The following SYNE2 variants were observed in gnomAD, a reference collection of about 807,000 sequenced individuals.
SYNE2 encodes nesprin-2.
A neutral mutation model predicts 856.3 loss-of-function variants in SYNE2; 431 were observed. That is an observed-to-expected ratio of 0.50 (90% CI 0.47 to 0.55). The LOEUF (loss-of-function observed/expected upper bound fraction) is 0.55, where lower values mean the gene tolerates loss of function less well. Among genes scored for constraint, SYNE2 ranks in the 20% least tolerant of loss-of-function variants. The probability of loss-of-function intolerance (pLI) is 0.00; values close to 1 mark genes in which losing one functional copy is unlikely to be tolerated. For synonymous variants in SYNE2, 2,923 were observed against 2,872.3 expected (o/e 1.02, Z -0.56); for missense variants, 8,129 against 8,023.2 (o/e 1.01, Z -0.50).
intron 84 of SYNE2, among the ~76,000 whole-genome samples, chr14:64,148,535 C>G (rs3951150): frequency 0.43 from 65,175 of 151,850 alleles, 14,147 homozygotes; most frequent in East Asian, 0.51. Context: ...CCCTCGCCCC[C>G]ACCATCCACA....
intron 1 of SYNE2, among the ~76,000 whole-genome samples, chr14:63,783,549 C>G (rs1887405335): frequency 6.6e-6 from 1 of 152,134 alleles, no homozygotes; most frequent in Non-Finnish European, 1.5e-5. Context: ...TCGGAGACTT[C>G]TTTATAGCAG....
intron 109 of SYNE2, among the ~76,000 whole-genome samples, chr14:64,218,754 G>A (rs1455446536): frequency 6.6e-6 from 1 of 152,196 alleles, no homozygotes; most frequent in Non-Finnish European, 1.5e-5. Flanking sequence ...CTGAGGAAGT[G>A]CAGGTTTTCA....
chr14:64,127,224 G>A (rs975144621), intron 73 of SYNE2, among the ~76,000 whole-genome samples: 1 of 151,868 alleles, frequency 6.6e-6, no homozygotes, highest in African/African-American at 2.4e-5. Flanking sequence ...TCACACGACT[G>A]CACTCCAGCC....
intron 63 of SYNE2, chr14:64,100,195 T>C (rs893034092): frequency 4.0e-5 from 6 of 151,726 alleles, no homozygotes; most frequent in Non-Finnish European, 8.8e-5. Context: ...ATGGATGAAA[T>C]TGAAAATCAT....
chr14:64,157,360 C>G (rs1280951928), intron 85 of SYNE2, among the ~76,000 whole-genome samples: 1 of 152,194 alleles, frequency 6.6e-6, no homozygotes, highest in Non-Finnish European at 1.5e-5. Flanking sequence ...CCTTTTGGGT[C>G]TGGCTTCCTT....
At position 64,130,193 on chromosome 14, in the gene SYNE2, A is replaced by G. The variant is rs1171395180; in HGVS notation, c.14285A>G (p.His4762Arg). The G allele has an allele frequency of 3.7e-6, 6 of 1,613,928 alleles. No homozygotes were observed. Among genetic ancestry groups the G allele is most frequent in the Non-Finnish European group, 4.2e-6 (5 of 1,179,998 alleles). ...KIGKEKLAHG[H>R]LKQTKSKVAL... ...GGGAAGGAAAAGCTTGCTCATGGCC[A>G]CTTAAAACAAACCAAAAGTAAAGTG... The change falls in exon 76 of 116, where the codon CAC becomes CGC. Residue 4762 changes from histidine to arginine, a missense_variant. Physicochemically the swap from His to Arg is conservative, Grantham distance 29 (BLOSUM62 0). Around this residue, in one of 3 missense-constraint regions of SYNE2, gnomAD observed 5,410 missense variants for 5,284.8 expected, o/e 1.02. Coordinates refer to ENST00000555002, the MANE Select transcript of SYNE2 (RefSeq NM_182914.3).
intron 1 of SYNE2, among the ~76,000 whole-genome samples, chr14:63,841,015 A>AAAAACAAAACAAAAC (rs545110673): frequency 1.3e-5 from 2 of 152,150 alleles, no homozygotes; most frequent in African/African-American, 4.8e-5. Flanking sequence ...ACTCTGTCTC[A>AAAAACAAAACAAAAC]AAAACAAAAC....
intron 55 of SYNE2, among the ~76,000 whole-genome samples, chr14:64,079,412 T>C (rs1309712291): frequency 6.6e-6 from 1 of 152,214 alleles, no homozygotes; most frequent in African/African-American, 2.4e-5. Flanking sequence ...TAAGGAAATG[T>C]TTTAATAATT....
intron 1 of SYNE2, among the ~76,000 whole-genome samples, chr14:63,894,301 T>C (rs2095206114): frequency 6.6e-6 from 1 of 151,982 alleles, no homozygotes. Flanking sequence ...CAGCCCTAAT[T>C]AAGCTCCTGG....
intron 77 of SYNE2, 129 bp from the exon 78 acceptor site, chr14:64,133,938 AAC>A: frequency 9.1e-7 from 1 of 1,099,586 alleles, no homozygotes; most frequent in Middle Eastern, 2.9e-4. Context: ...ACGTCTCTCG[AAC>A]ACACCTGGAA....
chr14:64,080,960 A>G (rs2097517505), intron 56 of SYNE2, among the ~76,000 whole-genome samples: 1 of 152,192 alleles, frequency 6.6e-6, no homozygotes, highest in East Asian at 1.9e-4. Flanking sequence ...TCAGGAGTCT[A>G]GTAAGGGAGA....
At position 64,167,301 on chromosome 14, in the gene SYNE2, C is replaced by G. The variant is rs2098385498; in HGVS notation, c.16674C>G (p.Leu5558=). 6.2e-7 allele frequency: 1 copy of G among 1,614,210 alleles called. No individual in the cohort carries two copies. Among genetic ancestry groups the G allele is most frequent in the Non-Finnish European group, 8.5e-7 (1 of 1,180,034 alleles). ...IEHLNEVSLK[L]PLSDVAVKTL... is the part of the protein sequence containing the mutation. Reference sequence around the variant, plus strand: ...ATTTGAATGAAGTGAGCCTCAAGCTCCCACTTAGTGACGTAGCTGTGAAGA... The same window carrying G: ...ATTTGAATGAAGTGAGCCTCAAGCTGCCACTTAGTGACGTAGCTGTGAAGA... Residue 5558 remains leucine (L), a synonymous_variant, in exon 91 of 116, where the codon CTC becomes CTG. Transcript: ENST00000555002.
intron 84 of SYNE2, among the ~76,000 whole-genome samples, chr14:64,146,609 C>T (rs1025309836): frequency 1.3e-5 from 2 of 152,076 alleles, no homozygotes; most frequent in Non-Finnish European, 2.9e-5. Flanking sequence ...TGTGTTTTTT[C>T]GAGGAAAATG....
chr14:64,093,660 A>T (rs1333565463), intron 61 of SYNE2, among the ~76,000 whole-genome samples, 180 bp downstream of exon 61: 2 of 152,190 alleles, frequency 1.3e-5, no homozygotes, highest in African/African-American at 4.8e-5. Context: ...CATAAAATAG[A>T]TGATTATATA....
At chr14:64,167,454 G>T (rs2098386608) in intron 91 of SYNE2, 41 bp from the exon 92 acceptor site, 4 of 1,614,246 alleles carry the variant, frequency 2.5e-6, no homozygotes, top group Non-Finnish European at 3.4e-6. Flanking sequence ...CTCGGGAATG[G>T]CATTGTTAAC....
At chr14:64,202,056 C>T (rs1412493748) in intron 99 of SYNE2, 8 of 635,180 alleles carry the variant, frequency 1.3e-5, no homozygotes, top group Non-Finnish European at 2.3e-5. Flanking sequence ...AAGTTGTACT[C>T]ATGCCATGCG....
Position 63,983,755 on chromosome 14 carries a change from A to C in SYNE2, c.2020A>C (p.Met674Leu). Residue 674 changes from methionine to leucine, a missense_variant, in exon 18 of 116, where the codon ATG (methionine) becomes CTG (leucine). By Grantham distance (15) the Met-to-Leu change is conservative. Around this residue, in one of 3 missense-constraint regions of SYNE2, gnomAD observed 2,422 missense variants for 2,357.4 expected, o/e 1.03. Transcript: ENST00000555002. ...TGTATAGGAAATGAACCTGCCACTG[A>C]TGATAAAAAAACAGGATCAGCCCAC... ...KTQLEMNLPL[M>L]IKKQDQPTFD... is the part of the protein sequence containing the mutation. The C allele has an allele frequency of 6.2e-7, 1 of 1,612,910 alleles. No homozygotes were observed. Among genetic ancestry groups the C allele is most frequent in the Non-Finnish European group, 8.5e-7 (1 of 1,179,130 alleles).
intron 1 of SYNE2, among the ~76,000 whole-genome samples, chr14:63,887,554 G>C (rs1022779801): frequency 1.3e-5 from 2 of 152,048 alleles, no homozygotes; most frequent in African/African-American, 4.8e-5. Context: ...CCTCACCCTG[G>C]CCTTACTGAC....
intron 1 of SYNE2, among the ~76,000 whole-genome samples, chr14:63,877,857 T>A (rs531954252): frequency 6.6e-6 from 1 of 150,758 alleles, no homozygotes; most frequent in East Asian, 1.9e-4. Context: ...ATAGCCAAGG[T>A]CATTTGCATT....
Sources: gnomAD v4.1 joint callset for allele counts (sites outside exome capture counted in the v4.1 genomes callset) on GRCh38, gnomAD v4.1.1 for gene constraint, gnomAD v4.1.1 regional missense constraint, MANE v1.5 for transcripts, NCBI Gene and HGNC (gene_info 2026-07-23, HGNC 2026-07-21) for gene names.